The following SLC39A11 variants were observed in gnomAD, a reference collection of about 807,000 sequenced individuals.
SLC39A11 encodes the protein zinc transporter ZIP11.
SLC39A11 carries 33 observed loss-of-function variants against 36.1 expected under a neutral mutation model. The ratio of observed to expected loss-of-function variants is 0.91; its 90% CI spans 0.69 to 1.22. The LOEUF is 1.22. Ranked by LOEUF, SLC39A11 falls within the 50% of genes most tolerant of loss-of-function variation. SLC39A11 has a pLI of 0.00. For missense variants in SLC39A11, 432 were observed against 430.3 expected (o/e 1.00, Z -0.03); for synonymous variants, 166 against 170.3 (o/e 0.97, Z 0.20).
At chr17:72,957,497 T>C (rs563233309) in intron 4 of SLC39A11, among the ~76,000 whole-genome samples, 1 of 152,286 alleles carries the variant, frequency 6.6e-6, no homozygotes, top group South Asian at 2.1e-4. Flanking sequence ...GGATACATTC[T>C]TAGAGGTCTG....
At chr17:72,785,964 C>G (rs919852319) in intron 6 of SLC39A11, among the ~76,000 whole-genome samples, 1 of 152,148 alleles carries the variant, frequency 6.6e-6, no homozygotes, top group Non-Finnish European at 1.5e-5. Context: ...TTGGCCAAGC[C>G]CACCCTTCAG....
chr17:72,777,903 A>G (rs2076190027), intron 6 of SLC39A11, among the ~76,000 whole-genome samples: 1 of 147,462 alleles, frequency 6.8e-6, no homozygotes, highest in South Asian at 2.1e-4. Context: ...GTATGTACGT[A>G]CATACTTACT....
chr17:72,895,695 G>T (rs1412566816), intron 5 of SLC39A11, among the ~76,000 whole-genome samples: 1 of 151,982 alleles, frequency 6.6e-6, no homozygotes. Context: ...TGAGCTGCCA[G>T]TTCTCCACCA....
chr17:72,660,349 G>A (rs556542961), intron 7 of SLC39A11, among the ~76,000 whole-genome samples: 5 of 152,320 alleles, frequency 3.3e-5, no homozygotes, highest in African/African-American at 7.2e-5. Flanking sequence ...CGTGCTGGGC[G>A]TGCTTGTAAG....
chr17:72,769,454 G>A (rs951380823), intron 6 of SLC39A11, among the ~76,000 whole-genome samples: 1 of 152,146 alleles, frequency 6.6e-6, no homozygotes, highest in Non-Finnish European at 1.5e-5. Flanking sequence ...AAATCGTTAA[G>A]GAAAACTCAA....
intron 4 of SLC39A11, among the ~76,000 whole-genome samples, chr17:72,996,686 T>A (rs2089529029): frequency 6.6e-6 from 1 of 152,200 alleles, no homozygotes; most frequent in South Asian, 2.1e-4. Flanking sequence ...CCTACTCTAG[T>A]ACGACCTCAT....
chr17:73,016,539 A>G (rs8065816), intron 4 of SLC39A11, among the ~76,000 whole-genome samples: 10,549 of 151,956 alleles, frequency 0.069, 868 homozygotes, highest in African/African-American at 0.19. Context: ...TCATCATGTT[A>G]GCCAGACTGG....
intron 5 of SLC39A11, among the ~76,000 whole-genome samples, chr17:72,945,077 G>C (rs889149181): frequency 1.7e-4 from 16 of 94,816 alleles, no homozygotes; most frequent in Admixed American, 1.1e-3. Flanking sequence ...GGATGGGAGA[G>C]AGAATGAAAG....
At chr17:72,921,540 A>G (rs775921540) in intron 5 of SLC39A11, among the ~76,000 whole-genome samples, 1 of 152,228 alleles carries the variant, frequency 6.6e-6, no homozygotes, top group Non-Finnish European at 1.5e-5. Context: ...CCTTCTCCCA[A>G]GAGACTGGGC....
chr17:73,060,100 C>T (rs968527424), intron 3 of SLC39A11, among the ~76,000 whole-genome samples: 1 of 150,914 alleles, frequency 6.6e-6, no homozygotes, highest in African/African-American at 2.4e-5. Flanking sequence ...TCCCAGCTAC[C>T]TGGGAGGCTA....
intron 6 of SLC39A11, among the ~76,000 whole-genome samples, chr17:72,799,893 T>C (rs568187914): frequency 2.1e-4 from 32 of 152,118 alleles, no homozygotes; most frequent in African/African-American, 7.7e-4. Flanking sequence ...TCTTTGTACC[T>C]ACTCTCTGTT....
At chr17:73,052,739 G>T (rs1490892787) in intron 3 of SLC39A11, among the ~76,000 whole-genome samples, 2 of 152,098 alleles carry the variant, frequency 1.3e-5, no homozygotes, top group African/African-American at 4.8e-5. Flanking sequence ...TTTTATTCCT[G>T]CCCAAGCTGC....
intron 5 of SLC39A11, among the ~76,000 whole-genome samples, chr17:72,881,371 CAT>C (rs1045044173): frequency 6.6e-6 from 1 of 152,196 alleles, no homozygotes; most frequent in African/African-American, 2.4e-5. Flanking sequence ...CAGGTATGCA[CAT>C]ATGTCAAAAT....
At chr17:72,911,994 A>G (rs1304256477) in intron 5 of SLC39A11, among the ~76,000 whole-genome samples, 1 of 152,122 alleles carries the variant, frequency 6.6e-6, no homozygotes, top group Non-Finnish European at 1.5e-5. Context: ...CTGGTGCTCA[A>G]GAAGGCGTTC....
intron 4 of SLC39A11, among the ~76,000 whole-genome samples, chr17:72,963,980 G>A (rs1033707590): frequency 2.0e-5 from 3 of 152,130 alleles, no homozygotes; most frequent in African/African-American, 7.2e-5. Context: ...CAAAATATAA[G>A]TTTTAGTCTT....
rs1206804646 is a variant in SLC39A11, at chr17:73,004,206, A to AG, written c.306+27349dup. Among the ~76,000 whole-genome samples the AG allele has an allele frequency of 2.0e-3, 261 of 128,772 alleles. 4 individuals are homozygous for AG. The highest frequency in any genetic ancestry group is 2.6e-3 in the Non-Finnish European group (154 of 59,078). The allele number at this position is 128,772 out of a possible 152,430, so 84.5% of individuals were successfully genotyped here. A position where few individuals can be genotyped will look rare whatever the true frequency, so the allele number is the denominator to read the frequency against. ...AAGAAAGAAAGAAAGAAAGAAAGAA[A>AG]GAAAGAAAGAAAGAAAGAAAGAAAG... is the stretch of plus-strand genomic sequence containing the variant. On this transcript the variant is annotated intron_variant, in intron 4 of 9. Transcript: ENST00000255559.
rs114064683 is a variant in SLC39A11, at chr17:72,865,657, G to A, written c.431-15853C>T. On this transcript the variant is annotated intron_variant, in intron 5 of 9. Coordinates refer to ENST00000255559, the MANE Select transcript of SLC39A11 (RefSeq NM_139177.4). ...ATGCAGCCACCAGAGAAGGACTGACGTTAAAAAGCTGAAAGGTCTAAGAGA... is the reference window on the plus strand; with the variant it reads ...ATGCAGCCACCAGAGAAGGACTGACATTAAAAAGCTGAAAGGTCTAAGAGA... Among the ~76,000 whole-genome samples the A allele has an allele frequency of 5.0e-3, 765 of 152,026 alleles. 6 individuals are homozygous for A. Among genetic ancestry groups the A allele is most frequent in the African/African-American group, 0.017 (720 of 41,472 alleles).
chr17:72,745,418 G>T (rs2074892250), intron 6 of SLC39A11, among the ~76,000 whole-genome samples: 1 of 152,206 alleles, frequency 6.6e-6, no homozygotes, highest in Admixed American at 6.5e-5. Context: ...AGTTGTTTCA[G>T]GGTGGTCAGA....
intron 4 of SLC39A11, among the ~76,000 whole-genome samples, chr17:72,962,751 G>A (rs374267465): frequency 1.2e-3 from 177 of 152,262 alleles, no homozygotes; most frequent in Middle Eastern, 3.4e-3. Context: ...TGGTGAGGCC[G>A]GTCTCGAACT....
Sources: gnomAD v4.1 joint callset for allele counts (sites outside exome capture counted in the v4.1 genomes callset) on GRCh38, gnomAD v4.1.1 for gene constraint, MANE v1.5 for transcripts, NCBI Gene and HGNC (gene_info 2026-07-23, HGNC 2026-07-21) for gene names.